The following ADAMTSL1 variants were observed in gnomAD, a reference collection of about 807,000 sequenced individuals.
ADAMTSL1 encodes ADAMTS like 1, also known as ADAMTS-like protein 1.
Under a neutral mutation model 201.8 loss-of-function variants are expected in ADAMTSL1, and 126 were observed. That is an observed-to-expected ratio of 0.62 (90% CI 0.54 to 0.72). ADAMTSL1 has a LOEUF of 0.72. ADAMTSL1 is among the 30% of genes least tolerant of loss of function. ADAMTSL1 has a pLI of 0.00. For missense variants in ADAMTSL1, 2,679 were observed against 2,277.8 expected (o/e 1.18, Z -3.59); for synonymous variants, 1,121 against 903.4 (o/e 1.24, Z -4.32).
At chr9:18,109,158 A>T (rs12353178) in intron 1 of ADAMTSL1, among the ~76,000 whole-genome samples, 1 of 152,074 alleles carries the variant, frequency 6.6e-6, no homozygotes, top group Non-Finnish European at 1.5e-5. Context: ...CCTAATTTGA[A>T]GTTTGTTGGA....
rs545575545 is a variant in ADAMTSL1 at position 18,541,277 on chromosome 9, G to A, written c.237+7985G>A. Among the ~76,000 whole-genome samples the A allele has an allele frequency of 6.5e-4, 99 of 152,250 alleles. 2 individuals carry two copies. The highest frequency in any genetic ancestry group is 5.6e-3 in the South Asian group (27 of 4,822). ...TGTAATCCCGGCACTTTGGGAGGCC[G>A]AGGCAGGCAGATCACCTGAGGTCAG... On this transcript the variant is annotated intron_variant, in intron 3 of 28. Transcript: ENST00000380548.
chr9:18,060,987 A>G (rs1004329021), intron 1 of ADAMTSL1, among the ~76,000 whole-genome samples: 2 of 152,220 alleles, frequency 1.3e-5, no homozygotes, highest in Non-Finnish European at 2.9e-5. Context: ...GGATGAGAAC[A>G]TAATGCTACC....
chr9:17,914,311 A>G (rs1216700216), intron 1 of ADAMTSL1, among the ~76,000 whole-genome samples: 1 of 152,132 alleles, frequency 6.6e-6, no homozygotes, highest in East Asian at 1.9e-4. Flanking sequence ...CACATCAAAA[A>G]GCTTATCCAC....
chr9:17,950,543 A>C (rs1456960275), intron 1 of ADAMTSL1, among the ~76,000 whole-genome samples: 2 of 151,266 alleles, frequency 1.3e-5, no homozygotes, highest in African/African-American at 4.8e-5. Context: ...AATTTTATAT[A>C]TTATATATGC....
intron 2 of ADAMTSL1, among the ~76,000 whole-genome samples, chr9:18,416,140 G>A (rs1285883702): frequency 2.6e-5 from 4 of 152,006 alleles, no homozygotes; most frequent in Non-Finnish European, 1.5e-5. Context: ...ATAACTACAA[G>A]GGTAAATACA....
chr9:18,863,590 C>G (rs116221620), intron 23 of ADAMTSL1, among the ~76,000 whole-genome samples: 1 of 152,260 alleles, frequency 6.6e-6, no homozygotes, highest in African/African-American at 2.4e-5. Flanking sequence ...CTTCTAGGGT[C>G]CAGCTGACAA....
At chr9:18,358,731 T>C (rs1180169679) in intron 2 of ADAMTSL1, among the ~76,000 whole-genome samples, 1 of 152,218 alleles carries the variant, frequency 6.6e-6, no homozygotes, top group Non-Finnish European at 1.5e-5. Flanking sequence ...GCCTAAATAG[T>C]GTTCTATTTT....
chr9:18,577,399 T>C (rs1400322500), intron 4 of ADAMTSL1, among the ~76,000 whole-genome samples: 1 of 152,146 alleles, frequency 6.6e-6, no homozygotes, highest in Non-Finnish European at 1.5e-5. Context: ...GGCAGGACAA[T>C]GGCTTAAACC....
At chr9:18,808,888 C>CT (rs1331227026) in intron 20 of ADAMTSL1, among the ~76,000 whole-genome samples, 5 of 152,168 alleles carry the variant, frequency 3.3e-5, no homozygotes, top group African/African-American at 4.8e-5. Context: ...CTTTCTGAGT[C>CT]TGAGTTCTTT....
chr9:18,480,613 C>G (rs1821676319), intron 1 of ADAMTSL1, among the ~76,000 whole-genome samples: 2 of 152,180 alleles, frequency 1.3e-5, no homozygotes, highest in African/African-American at 2.4e-5. Flanking sequence ...ATGCTGAAAA[C>G]TTTTAAGAAA....
Position 18,030,100 on chromosome 9 carries a change from A to G in ADAMTSL1, c.87+123178A>G, listed in dbSNP as rs555290464. Among the ~76,000 whole-genome samples, 7 of 152,362 alleles carry G rather than the reference A, an allele frequency of 4.6e-5. No individual in the cohort carries two copies. The South Asian group carries it at 1.4e-3, about 32-fold the overall frequency. On this transcript the variant is annotated intron_variant, in intron 1 of 29. Transcript: ENST00000680146. ...CTGCTATAAAGACACATGCACACAT[A>G]TGTTTATTGCGGCATTTTTCACAAT...
At chr9:18,044,441 A>G (rs961270034) in intron 1 of ADAMTSL1, among the ~76,000 whole-genome samples, 1 of 152,104 alleles carries the variant, frequency 6.6e-6, no homozygotes, top group African/African-American at 2.4e-5. Context: ...AAGGGAGAGG[A>G]TATGAGTTGT....
intron 9 of ADAMTSL1, among the ~76,000 whole-genome samples, chr9:18,665,100 A>G (rs763217135): frequency 3.3e-5 from 5 of 152,076 alleles, no homozygotes; most frequent in African/African-American, 7.2e-5. Context: ...AAAAATAACT[A>G]TCCTAAGATT....
chr9:18,365,708 G>A lies in ADAMTSL1; in HGVS notation c.208-139121G>A, dbSNP rs1046343055. Among the ~76,000 whole-genome samples, 120 of 152,160 alleles carry A rather than the reference G, an allele frequency of 7.9e-4. 1 individual carries two copies. Among genetic ancestry groups the A allele is most frequent in the Non-Finnish European group, 1.9e-4 (13 of 67,990 alleles). ...AGAGTGTGAGAGAAAGAAAATGGGG[G>A]AGCACGATTTACGGCAGGGGTGTCC... On this transcript the variant is annotated intron_variant, in intron 2 of 29. Transcript: ENST00000680146.
In ADAMTSL1 at chr9:18,221,468, G is replaced by C. The variant is rs190394896; in HGVS notation, c.207+57487G>C. ...ATTTATCCTTCACATCTTTTAGCTT[G>C]ATTTTCCTTCTTTTTATCTCTCTAT... is the stretch of plus-strand genomic sequence containing the variant. On this transcript the variant is annotated intron_variant, in intron 2 of 29. Coordinates refer to the ADAMTSL1 transcript ENST00000680146. Among the ~76,000 whole-genome samples the C allele has an allele frequency of 1.1e-3, 165 of 152,156 alleles. 1 individual carries two copies. Among genetic ancestry groups the C allele is most frequent in the African/African-American group, 3.9e-3 (160 of 41,540 alleles).
chr9:18,649,631 G>T (rs1388443150), intron 7 of ADAMTSL1, among the ~76,000 whole-genome samples: 1 of 152,210 alleles, frequency 6.6e-6, no homozygotes, highest in East Asian at 1.9e-4. Context: ...CTGCAGGTCT[G>T]TTGGAGTTTG....
At chr9:17,949,855 T>C (rs2131370528) in intron 1 of ADAMTSL1, among the ~76,000 whole-genome samples, 1 of 152,244 alleles carries the variant, frequency 6.6e-6, no homozygotes, top group Middle Eastern at 3.4e-3. Flanking sequence ...GTAGAACCAC[T>C]CTTTGATTTG....
At chr9:18,812,474 C>T (rs1563821977) in intron 20 of ADAMTSL1, among the ~76,000 whole-genome samples, 1 of 152,056 alleles carries the variant, frequency 6.6e-6, no homozygotes, top group Non-Finnish European at 1.5e-5. Flanking sequence ...AAATGTAAAA[C>T]TATAAAACAT....
rs1336875098 is a variant in ADAMTSL1 at position 18,565,629 on chromosome 9, G to A, written c.238-8401G>A. Among the ~76,000 whole-genome samples the A allele has an allele frequency of 3.3e-5, 5 of 150,396 alleles. No homozygotes were observed. The East Asian group carries it at 5.9e-4, about 18-fold the overall frequency. On this transcript the variant is annotated intron_variant, in intron 3 of 28. Coordinates refer to ENST00000380548, the MANE Select transcript of ADAMTSL1 (RefSeq NM_001040272.6). Reference sequence around the variant, plus strand: ...AAAGGAGGGAAAATTAGCCAAGAACGGCCTTTACCTGCTATGGCACCATCC... The same window carrying A: ...AAAGGAGGGAAAATTAGCCAAGAACAGCCTTTACCTGCTATGGCACCATCC...
Sources: gnomAD v4.1 joint callset for allele counts (sites outside exome capture counted in the v4.1 genomes callset) on GRCh38, gnomAD v4.1.1 for gene constraint, MANE v1.5 for transcripts, NCBI Gene and HGNC (gene_info 2026-07-23, HGNC 2026-07-21) for gene names.